The following THAP5 variants were observed in gnomAD, a reference collection of about 807,000 sequenced individuals.
THAP5 encodes THAP domain containing 5, also known as THAP domain-containing protein 5.
A neutral mutation model predicts 34.0 loss-of-function variants in THAP5; 26 were observed. That is an observed-to-expected ratio of 0.77 (90% CI 0.56 to 1.06). THAP5 has a LOEUF of 1.06. THAP5 is among the 50% of genes least tolerant of loss of function. The pLI, the probability that THAP5 is intolerant of heterozygous loss-of-function variation, is 0.00. For missense variants in THAP5, 394 were observed against 452.8 expected, an observed-to-expected ratio of 0.87 and a Z score of 1.18; for synonymous variants, 125 against 153.0, an observed-to-expected ratio of 0.82 and a Z score of 1.35.
At chr7:108,558,641 C>T (rs1234517452), downstream of THAP5, among the ~76,000 whole-genome samples, 2 of 151,752 alleles carry the variant, frequency 1.3e-5, no homozygotes, top group African/African-American at 4.8e-5. Context: ...CGTGATCCGC[C>T]AGCCTCGGCC....
chr7:108,544,150 A>T, the THAP5 span, among the ~76,000 whole-genome samples: 1 of 152,202 alleles, frequency 6.6e-6, no homozygotes, highest in African/African-American at 2.4e-5. Context: ...AGCCTAAGTG[A>T]TTTTCCTGAT....
In THAP5 at chr7:108,564,265, C is replaced by T; in HGVS notation, c.1114G>A (p.Glu372Lys). The T allele has an allele frequency of 1.2e-6, 2 of 1,612,386 alleles. No individual in the cohort carries two copies. The highest frequency in any genetic ancestry group is 1.7e-6 in the Non-Finnish European group (2 of 1,179,468). Reference protein sequence around the residue: ...LEALIRQLKQENWLSEENVKI... With the variant: ...LEALIRQLKQKNWLSEENVKI... Reference sequence around the variant, plus strand: ...ACGTTTTCTTCAGATAGCCAGTTTTCCTGCTTTAGCTGCCTTATAAGAGCT... The same window carrying T: ...ACGTTTTCTTCAGATAGCCAGTTTTTCTGCTTTAGCTGCCTTATAAGAGCT... The change falls in exon 3 of 3, where the codon GAA becomes AAA. Residue 372 changes from glutamate to lysine, a missense_variant. Coordinates refer to ENST00000415914, the MANE Select transcript of THAP5 (RefSeq NM_001130475.3).
chr7:108,543,978 G>A, the THAP5 span, among the ~76,000 whole-genome samples: 90,291 of 152,040 alleles, frequency 0.59, 27,571 homozygotes, highest in African/African-American at 0.73. Context: ...AATTATGAAC[G>A]ACTATATGCC....
At chr7:108,566,316 C>T (rs566391416) in intron 1 of THAP5, among the ~76,000 whole-genome samples, 8 of 152,278 alleles carry the variant, frequency 5.3e-5, no homozygotes, top group African/African-American at 1.9e-4. Flanking sequence ...AGGACAAAAT[C>T]TATTTGTATT....
downstream of THAP5, among the ~76,000 whole-genome samples, chr7:108,551,190 TTTAC>T (rs1189425348): frequency 6.6e-6 from 1 of 152,182 alleles, no homozygotes; most frequent in East Asian, 1.9e-4. Context: ...GTTGCTGTTT[TTTAC>T]TTATTTATTT....
Position 108,569,645 on chromosome 7 carries a change from G to C in THAP5, c.-76C>G. The C allele has an allele frequency of 6.6e-7, 1 of 1,522,834 alleles. No homozygotes were observed. The highest frequency in any genetic ancestry group is 8.8e-7 in the Non-Finnish European group (1 of 1,130,028). The allele number at this position is 1,522,834 out of a possible 1,614,324, so 94.3% of individuals were successfully genotyped here. On this transcript the variant is annotated 5_prime_UTR_variant, in exon 1 of 3. Coordinates refer to ENST00000415914, the MANE Select transcript of THAP5 (RefSeq NM_001130475.3). ...CCCTCCTCACTGAGGATGCGCCACA[G>C]GTCCAGGCCTCTCGAGCCCCTGCGC...
chr7:108,547,725 GATTA>G, the THAP5 span, among the ~76,000 whole-genome samples: 1 of 152,116 alleles, frequency 6.6e-6, no homozygotes, highest in Non-Finnish European at 1.5e-5. Context: ...TTCTATTCCT[GATTA>G]ATTAAAATCA....
the THAP5 span, among the ~76,000 whole-genome samples, chr7:108,543,149 G>T: frequency 6.6e-6 from 1 of 151,184 alleles, no homozygotes; most frequent in African/African-American, 2.4e-5. Flanking sequence ...GGATTGTCTC[G>T]ATCTCCTGAC....
At position 108,565,099 on chromosome 7, in the gene THAP5, C is replaced by A. The variant is rs1412604047; in HGVS notation, c.280G>T (p.Asp94Tyr). 6.7e-7 allele frequency: 1 copy of A among 1,501,982 alleles called. No homozygotes were observed. The highest frequency in any genetic ancestry group is 8.9e-7 in the Non-Finnish European group (1 of 1,128,734). The allele number at this position is 1,501,982 out of a possible 1,614,324, so 93.0% of individuals were successfully genotyped here. The change falls in exon 3 of 3, where the codon GAC becomes TAC. Residue 94 changes from aspartate (D) to tyrosine (Y), a missense_variant. Coordinates refer to ENST00000415914, the MANE Select transcript of THAP5 (RefSeq NM_001130475.3). Reference sequence around the variant, plus strand: ...TTCTGGGATTTTTTTTTAGAAGGGTCTTTTCCCTAGAAAATAATATTTTCA... The same window carrying A: ...TTCTGGGATTTTTTTTTAGAAGGGTATTTTCCCTAGAAAATAATATTTTCA... ...FSLPEDNQGK[D>Y]PSKKKSQKKN...
chr7:108,543,929 A>G, the THAP5 span, among the ~76,000 whole-genome samples: 5 of 152,260 alleles, frequency 3.3e-5, no homozygotes, highest in South Asian at 1.0e-3. Context: ...TCATTTTCCT[A>G]TATATAATGG....
chr7:108,547,970 G>T, the THAP5 span, among the ~76,000 whole-genome samples: 1 of 152,172 alleles, frequency 6.6e-6, no homozygotes, highest in Non-Finnish European at 1.5e-5. Context: ...CTATGCACAT[G>T]AAATTTTGCA....
chr7:108,564,347 C>A lies in THAP5; in HGVS notation c.1032G>T (p.Lys344Asn), dbSNP rs766958276. The A allele has an allele frequency of 2.1e-5, 34 of 1,613,704 alleles. No homozygotes were observed. Among genetic ancestry groups the A allele is most frequent in the Non-Finnish European group, 2.7e-5 (32 of 1,179,876 alleles). Residue 344 changes from lysine to asparagine, a missense_variant, in exon 3 of 3, where the codon AAG becomes AAT. Lys to Asn is a moderately conservative substitution (Grantham distance 94). Coordinates refer to ENST00000415914, the MANE Select transcript of THAP5 (RefSeq NM_001130475.3). The stretch of plus-strand genomic sequence containing the variant: ...GCTCTTTTAACTCTAGAAGAGTTAT[C>A]TTTGAATGTAGCTTAGAGACTTTCT... ...LWQKVSKLHS[K>N]ITLLELKEQQ...
chr7:108,555,023 A>C (rs1031129178), intron 1 of THAP5, among the ~76,000 whole-genome samples: 1 of 152,108 alleles, frequency 6.6e-6, no homozygotes, highest in Non-Finnish European at 1.5e-5. Context: ...TCACTTAAAA[A>C]TTTTCATTAT....
In THAP5 at chr7:108,562,318, TTAA is replaced by T. The variant is rs1790348359; in HGVS notation, c.*1870_*1872del. The T allele has an allele frequency of 6.6e-6, 1 of 152,212 alleles. No individual in the cohort carries two copies. The allele number at this position is 152,212 out of a possible 1,614,324, so 9.4% of individuals were successfully genotyped here. ...TTTGCAAAATGCAACATAGGAATAC[TTAA>T]TAACACTGTAATAACTCTATCATCT... On this transcript the variant is annotated 3_prime_UTR_variant, in exon 3 of 3. Transcript: ENST00000415914.
chr7:108,545,452 C>G, the THAP5 span, among the ~76,000 whole-genome samples: 2 of 152,092 alleles, frequency 1.3e-5, no homozygotes, highest in Non-Finnish European at 2.9e-5. Context: ...TTGTGAAAAG[C>G]GTGACTAGTT....
Position 108,562,356 on chromosome 7 carries a change from T to C in THAP5, c.*1835A>G, listed in dbSNP as rs1331156021. 6.6e-6 allele frequency: 1 copy of C among 152,170 alleles called. No homozygotes were observed. Among genetic ancestry groups the C allele is most frequent in the African/African-American group, 2.4e-5 (1 of 41,438 alleles). 9.4% of individuals were successfully genotyped at this position (152,170 alleles called of 1,614,324 possible). On this transcript the variant is annotated 3_prime_UTR_variant, in exon 3 of 3. Coordinates refer to ENST00000415914, the MANE Select transcript of THAP5 (RefSeq NM_001130475.3). ...AATAACTCTATCATCTCCCCATAAT[T>C]TATGCAAAAATTTTAAGTTTTTCCC...
At chr7:108,567,594 A>G (rs1790512638) in intron 1 of THAP5, among the ~76,000 whole-genome samples, 1 of 152,154 alleles carries the variant, frequency 6.6e-6, no homozygotes, top group Non-Finnish European at 1.5e-5. Flanking sequence ...TATTGGTTCA[A>G]TTCATTTGAT....
chr7:108,544,971 C>G, the THAP5 span, among the ~76,000 whole-genome samples: 1 of 152,106 alleles, frequency 6.6e-6, no homozygotes, highest in Non-Finnish European at 1.5e-5. Flanking sequence ...GTAAATTCCA[C>G]ACTTGAAATG....
At chr7:108,567,609 T>G (rs1790512784) in intron 1 of THAP5, among the ~76,000 whole-genome samples, 1 of 152,204 alleles carries the variant, frequency 6.6e-6, no homozygotes, top group South Asian at 2.1e-4. Flanking sequence ...TTTGATAATT[T>G]TGTTTCATTG....
Sources: gnomAD v4.1 joint callset for allele counts (sites outside exome capture counted in the v4.1 genomes callset) on GRCh38, gnomAD v4.1.1 for gene constraint, MANE v1.5 for transcripts, NCBI Gene and HGNC (gene_info 2026-07-23, HGNC 2026-07-21) for gene names.